Variants in KCNT1 observed in about 807,000 individuals in gnomAD.
KCNT1 encodes the protein potassium sodium-activated channel subfamily T member 1.
KCNT1 carries 78 observed loss-of-function variants against 147.8 expected under a neutral mutation model. The ratio of observed to expected loss-of-function variants is 0.53; its 90% confidence interval spans 0.44 to 0.64. KCNT1 has a LOEUF of 0.64. Ranked by LOEUF, KCNT1 falls within the 30% of genes least tolerant of loss-of-function variation. The probability of loss-of-function intolerance (pLI) is 0.00; values close to 1 mark genes in which losing one functional copy is unlikely to be tolerated. For missense variants in KCNT1, 1,419 were observed against 1,750.3 expected, an observed-to-expected ratio of 0.81 and a Z score of 3.38; for synonymous variants, 867 against 748.8, an observed-to-expected ratio of 1.16 and a Z score of -2.58.
chr9:135,785,580 G>A, intron 28 of KCNT1: 1 of 625,172 alleles, frequency 1.6e-6, no homozygotes, highest in South Asian at 1.8e-5. Flanking sequence ...TTGGACACCA[G>A]GTGCACCCCC....
At chr9:135,728,224 C>G (rs562577480) in intron 2 of KCNT1, among the ~76,000 whole-genome samples, 1 of 152,330 alleles carries the variant, frequency 6.6e-6, no homozygotes, top group South Asian at 2.1e-4. Context: ...CACTGGACTT[C>G]AGCCCAGGGA....
chr9:135,732,024 A>AGAGAGGGAGAGG (rs1554766188), intron 2 of KCNT1, among the ~76,000 whole-genome samples: 3 of 65,084 alleles, frequency 4.6e-5, no homozygotes, highest in Non-Finnish European at 6.4e-5. Context: ...AGAGAGAGAG[A>AGAGAGGGAGAGG]GAGAGAGAGA....
Position 135,791,815 on chromosome 9 carries a change from A to G in KCNT1, c.3521A>G (p.Gln1174Arg), listed in dbSNP as rs761270493. 2.2e-5 allele frequency: 35 copies of G among 1,613,740 alleles called. No homozygotes were observed. Among genetic ancestry groups the G allele is most frequent in the Non-Finnish European group, 3.0e-5 (35 of 1,179,926 alleles). The change falls in exon 30 of 31, where the codon CAG (glutamine) becomes CGG (arginine). Residue 1174 changes from glutamine (Q) to arginine (R), a missense_variant. By Grantham distance (43) the Gln-to-Arg change is conservative (BLOSUM62 1). Coordinates refer to ENST00000371757, the MANE Select transcript of KCNT1 (RefSeq NM_020822.3). ...TTGYDEMNDH[Q>R]NTLSYVLINP... ...TTTGCAGACGAGATGAACGACCACC[A>G]GAACACCCTCTCCTACGTCCTCATC...
chr9:135,757,818 G>A (rs1001660359), intron 9 of KCNT1, among the ~76,000 whole-genome samples: 1 of 152,218 alleles, frequency 6.6e-6, no homozygotes, highest in Non-Finnish European at 1.5e-5. Context: ...CATGGTCCCT[G>A]TCATGTGAAT....
At chr9:135,768,409 A>G in intron 13 of KCNT1, 1 of 436,618 alleles carries the variant, frequency 2.3e-6, no homozygotes, top group Admixed American at 3.8e-5. Context: ...ACCAGCAGAG[A>G]GTAGGGGCCT....
chr9:135,761,560 G>A (rs1195541158), intron 11 of KCNT1, among the ~76,000 whole-genome samples: 1 of 152,204 alleles, frequency 6.6e-6, no homozygotes, highest in Non-Finnish European at 1.5e-5. Flanking sequence ...TTTTGCAAAT[G>A]AGGACTCATC....
intron 15 of KCNT1, among the ~76,000 whole-genome samples, chr9:135,769,247 CTG>C (rs1321493457): frequency 1.5e-5 from 2 of 135,990 alleles, no homozygotes; most frequent in East Asian, 2.3e-4. Flanking sequence ...GTCGGTGTGT[CTG>C]GGGCAGGGCG....
chr9:135,751,502 G>C (rs1250835884), intron 4 of KCNT1, among the ~76,000 whole-genome samples: 1 of 152,156 alleles, frequency 6.6e-6, no homozygotes, highest in African/African-American at 2.4e-5. Flanking sequence ...TGGGGCCCAT[G>C]CTCCAGGGAC....
At chr9:135,781,639 T>TAA (rs5901090) in intron 24 of KCNT1, among the ~76,000 whole-genome samples, 6,773 of 143,876 alleles carry the variant, frequency 0.047, 177 homozygotes, top group East Asian at 0.089. Context: ...ATACTGAAAG[T>TAA]AAAAAAAAAA....
intron 18 of KCNT1, 73 bp from the exon 19 acceptor site, chr9:135,772,642 C>T (rs548424864): frequency 8.2e-4 from 955 of 1,168,502 alleles, no homozygotes; most frequent in Non-Finnish European, 1.0e-3. Flanking sequence ...ACTGTGTTCA[C>T]CTGAGCTCTG....
intron 13 of KCNT1, among the ~76,000 whole-genome samples, chr9:135,767,729 G>A (rs1832385487): frequency 6.6e-6 from 1 of 152,096 alleles, no homozygotes; most frequent in South Asian, 2.1e-4. Context: ...CTGGGAGTAT[G>A]GACAAATCCA....
In KCNT1 at chr9:135,770,391, C is replaced by T. The variant is rs182395559; in HGVS notation, c.1713C>T (p.Phe571=). The T allele has an allele frequency of 2.5e-6, 4 of 1,613,324 alleles. No homozygotes were observed. Among genetic ancestry groups the T allele is most frequent in the Non-Finnish European group, 3.4e-6 (4 of 1,179,818 alleles). The change falls in exon 17 of 31, where the codon TTC becomes TTT. Residue 571 remains phenylalanine (F), a synonymous_variant. Coordinates refer to ENST00000371757, the MANE Select transcript of KCNT1 (RefSeq NM_020822.3). ...ACATCCGCATGGGTGACAGCAAGTT[C>T]TTCCGCGAGTACGAGGGCAAGAGCT... is the stretch of plus-strand genomic sequence containing the variant. The part of the protein sequence containing the change: ...VYHIRMGDSK[F]FREYEGKSFT...
At chr9:135,760,840 G>A (rs77589479) in intron 11 of KCNT1, among the ~76,000 whole-genome samples, 10,830 of 152,262 alleles carry the variant, frequency 0.071, 590 homozygotes, top group East Asian at 0.25. Context: ...CCACTCCACC[G>A]TCCAGTGCCA....
rs1428639328 is a variant in KCNT1 at position 135,709,582 on chromosome 9, C to T, written c.111-4995C>T. The stretch of plus-strand genomic sequence containing the variant: ...ACAGCCGATCACTGGCGCAGGAGAC[C>T]GTCCAACTCTGCATCTCTCTAATTA... On this transcript the variant is annotated intron_variant, in intron 1 of 30. Transcript: ENST00000371757. 2.0e-5 allele frequency among the ~76,000 whole-genome samples: 3 copies of T among 152,172 alleles called. No homozygotes were observed. In the East Asian group the frequency reaches 5.8e-4, roughly 29 times the overall value.
At chr9:135,786,867 G>C (rs1482619410) in intron 29 of KCNT1, among the ~76,000 whole-genome samples, 1 of 152,254 alleles carries the variant, frequency 6.6e-6, no homozygotes, top group African/African-American at 2.4e-5. Context: ...CCAAATTAGA[G>C]ACAGGAGCTG....
chr9:135,711,694 G>A (rs892221784), intron 1 of KCNT1, among the ~76,000 whole-genome samples: 3 of 152,308 alleles, frequency 2.0e-5, no homozygotes, highest in South Asian at 2.1e-4. Context: ...GGACTGCCTC[G>A]CTCATTCTTG....
At chr9:135,782,193 G>C (rs1057060290) in intron 24 of KCNT1, among the ~76,000 whole-genome samples, 16 of 152,166 alleles carry the variant, frequency 1.1e-4, no homozygotes, top group Non-Finnish European at 2.4e-4. Context: ...GACAGAGCGA[G>C]ACCCTGTCTC....
At position 135,786,515 on chromosome 9, in the gene KCNT1, G is replaced by A. The variant is rs1201438079; in HGVS notation, c.3496G>A (p.Gly1166Ser). ...RMKHLGLPTTGYDEMNDHQNT... is the reference protein window; with the variant it reads ...RMKHLGLPTTSYDEMNDHQNT... The stretch of plus-strand genomic sequence containing the variant: ...GAAGCACCTGGGGCTGCCCACCACC[G>A]GCTACGGTAAGGGCACACGGCGCGG... Residue 1166 changes from glycine (G) to serine (S), a missense_variant, in exon 29 of 31, where the codon GGC (glycine) becomes AGC (serine). This residue lies in a region of KCNT1 where 306 missense variants were observed against 294.2 expected (regional missense o/e 1.04). Transcript: ENST00000371757. The A allele has an allele frequency of 3.8e-5, 61 of 1,592,420 alleles. No individual in the cohort carries two copies. In the Admixed American group the frequency reaches 8.6e-4, roughly 22 times the overall value.
chr9:135,784,952 C>T, intron 27 of KCNT1, 63 bp downstream of exon 27: 1 of 1,574,884 alleles, frequency 6.3e-7, no homozygotes. Flanking sequence ...CCACAGCATC[C>T]CCACCTTCCG....
Sources: allele counts gnomAD v4.1 joint callset (sites outside exome capture counted in the v4.1 genomes callset), GRCh38; gene constraint gnomAD v4.1.1; regional missense constraint gnomAD v4.1.1; transcripts MANE v1.5; gene names NCBI Gene and HGNC (gene_info 2026-07-23, HGNC 2026-07-21).